STXBP5L: variants seen among roughly 807,000 people sequenced by gnomAD.
The protein encoded by STXBP5L is syntaxin-binding protein 5-like.
In STXBP5L, 65 loss-of-function variants were observed where a neutral mutation model predicts 144.5. The ratio of observed to expected loss-of-function variants is 0.45; its 90% CI spans 0.37 to 0.55. The LOEUF is 0.55. STXBP5L is among the 20% of genes least tolerant of loss of function. The pLI is 0.00. For synonymous variants in STXBP5L, 505 were observed against 469.6 expected (o/e 1.08, Z -0.97); for missense variants, 1,298 against 1,405.5 (o/e 0.92, Z 1.22).
chr3:121,328,749 C>CA lies in STXBP5L; in HGVS notation c.2176+10219dup, dbSNP rs747836182. ...TGGGTGCTAGAGCAAGACTCTGTCT[C>CA]AAAAAAAAAATAAAAAATAAACTAG... On this transcript the variant is annotated intron_variant, in intron 20 of 26. Transcript: ENST00000471454. 8.5e-4 allele frequency among the ~76,000 whole-genome samples: 123 copies of CA among 144,248 alleles called. 1 individual carries two copies. The highest frequency in any genetic ancestry group is 1.1e-3 in the Admixed American group (16 of 14,346). 94.6% of individuals were successfully genotyped at this position (144,248 alleles called of 152,430 possible).
At chr3:121,159,732 C>G (rs2046248911) in intron 9 of STXBP5L, among the ~76,000 whole-genome samples, 1 of 151,358 alleles carries the variant, frequency 6.6e-6, no homozygotes. Context: ...CGGGTTCACG[C>G]CATTCTCCTG....
At chr3:121,216,234 C>T (rs936769917) in intron 10 of STXBP5L, among the ~76,000 whole-genome samples, 3 of 152,152 alleles carry the variant, frequency 2.0e-5, no homozygotes, top group Admixed American at 6.5e-5. Context: ...TGTTCCCTTG[C>T]TGGTGAGGAG....
intron 20 of STXBP5L, chr3:121,324,575 T>C: frequency 1.5e-6 from 1 of 688,898 alleles, no homozygotes. Flanking sequence ...ATCAAGTATA[T>C]CACTTGCCAG....
chr3:121,029,379 C>T (rs1242787459), intron 3 of STXBP5L, among the ~76,000 whole-genome samples: 2 of 152,060 alleles, frequency 1.3e-5, no homozygotes, highest in East Asian at 1.9e-4. Context: ...TAACACCACA[C>T]ATCTACAACC....
At chr3:120,952,689 A>C (rs73185487) in intron 2 of STXBP5L, among the ~76,000 whole-genome samples, 6,046 of 152,102 alleles carry the variant, frequency 0.04, 170 homozygotes, top group Middle Eastern at 0.082. Context: ...AATTAATGTC[A>C]TTTTTCTTCT....
At chr3:120,979,588 A>C (rs1394599116) in intron 3 of STXBP5L, among the ~76,000 whole-genome samples, 1 of 152,068 alleles carries the variant, frequency 6.6e-6, no homozygotes, top group African/African-American at 2.4e-5. Context: ...CTCCCTAGTG[A>C]GATGAACCCG....
chr3:121,196,234 A>G lies in STXBP5L; in HGVS notation c.878-9689A>G, dbSNP rs6765868. On this transcript the variant is annotated intron_variant, in intron 9 of 26. Coordinates refer to ENST00000471454, the MANE Select transcript of STXBP5L (RefSeq NM_001308330.2). The stretch of plus-strand genomic sequence containing the variant: ...GAGTGCAGTGGCACAATCTTGGCTC[A>G]CCGCAACCTCTGCCTCCCGGGTTCA... Among the ~76,000 whole-genome samples the G allele has an allele frequency of 4.2e-3, 629 of 151,516 alleles. 4 individuals carry two copies. Among genetic ancestry groups the G allele is most frequent in the African/African-American group, 0.015 (606 of 41,270 alleles).
At chr3:121,321,589 A>G (rs1307282526) in intron 20 of STXBP5L, among the ~76,000 whole-genome samples, 2 of 152,166 alleles carry the variant, frequency 1.3e-5, no homozygotes, top group African/African-American at 4.8e-5. Context: ...GAGATTTTGT[A>G]TTTCTAGCAA....
At chr3:121,308,771 T>C (rs1559959515) in intron 19 of STXBP5L, among the ~76,000 whole-genome samples, 1 of 152,088 alleles carries the variant, frequency 6.6e-6, no homozygotes, top group African/African-American at 2.4e-5. Context: ...TTAGCTTTTA[T>C]AAAAGAAATA....
At chr3:121,030,720 C>G (rs1019263241) in intron 3 of STXBP5L, among the ~76,000 whole-genome samples, 1 of 152,032 alleles carries the variant, frequency 6.6e-6, no homozygotes. Flanking sequence ...CACCCTAGAA[C>G]TACTGATCAG....
rs554516907 is a variant in STXBP5L, at chr3:121,050,382, C to T, written c.470+4847C>T. Among the ~76,000 whole-genome samples the T allele has an allele frequency of 2.0e-5, 3 of 152,174 alleles. No homozygotes were observed. The East Asian group carries it at 5.8e-4, about 29-fold the overall frequency. On this transcript the variant is annotated intron_variant, in intron 5 of 26. Coordinates refer to ENST00000471454, the MANE Select transcript of STXBP5L (RefSeq NM_001308330.2). ...CAGAAATTTCAAGGATATCAAAAAACTTTAAGATCAGTAAAGAGTTGTTCA... is the reference window on the plus strand; with the variant it reads ...CAGAAATTTCAAGGATATCAAAAAATTTTAAGATCAGTAAAGAGTTGTTCA...
intron 26 of STXBP5L, 106 bp downstream of exon 26, chr3:121,418,663 T>C (rs2047295199): frequency 2.8e-6 from 3 of 1,064,162 alleles, no homozygotes; most frequent in African/African-American, 3.2e-5. Flanking sequence ...TAATCCTGTA[T>C]GAGAATCATG....
chr3:121,046,269 A>G (rs1947510723), intron 5 of STXBP5L, among the ~76,000 whole-genome samples: 1 of 152,088 alleles, frequency 6.6e-6, no homozygotes, highest in Non-Finnish European at 1.5e-5. Context: ...GTTTGCTAGT[A>G]TTTTGTTGAG....
chr3:121,064,150 G>C (rs562204730), intron 5 of STXBP5L, among the ~76,000 whole-genome samples: 2 of 152,248 alleles, frequency 1.3e-5, no homozygotes, highest in East Asian at 3.9e-4. Context: ...TGGTCTGCAG[G>C]TTGTGAAGAC....
intron 7 of STXBP5L, among the ~76,000 whole-genome samples, chr3:121,123,357 G>C (rs765789753): frequency 1.3e-5 from 2 of 151,618 alleles, no homozygotes; most frequent in Admixed American, 6.6e-5. Context: ...CTGTTTATGT[G>C]ACTAATGGTG....
chr3:121,039,293 G>A (rs1379471261), intron 3 of STXBP5L, among the ~76,000 whole-genome samples: 1 of 151,730 alleles, frequency 6.6e-6, no homozygotes. Context: ...TATATTAATA[G>A]TGTGCAGCTG....
chr3:121,134,833 C>T (rs1383219978), intron 7 of STXBP5L, among the ~76,000 whole-genome samples: 2 of 152,174 alleles, frequency 1.3e-5, no homozygotes, highest in Non-Finnish European at 2.9e-5. Flanking sequence ...GGTTCCAAGT[C>T]TTTGCTATTG....
intron 20 of STXBP5L, chr3:121,357,793 T>C (rs888376912): frequency 3.9e-5 from 6 of 151,984 alleles, no homozygotes; most frequent in Non-Finnish European, 8.8e-5. Context: ...TATTCCAAAA[T>C]AGAGCATGCA....
At chr3:121,352,406 G>C (rs755694797) in intron 20 of STXBP5L, among the ~76,000 whole-genome samples, 34 of 152,054 alleles carry the variant, frequency 2.2e-4, no homozygotes, top group Non-Finnish European at 4.4e-4. Flanking sequence ...CACATCCCTT[G>C]TAAGCTGGAT....
Sources: gnomAD v4.1 joint callset for allele counts (sites outside exome capture counted in the v4.1 genomes callset) on GRCh38, gnomAD v4.1.1 for gene constraint, MANE v1.5 for transcripts, NCBI Gene and HGNC (gene_info 2026-07-23, HGNC 2026-07-21) for gene names.